IGSF21: variants seen among roughly 807,000 people sequenced by gnomAD.
IGSF21 encodes the protein immunoglobin superfamily member 21.
Under a neutral mutation model 46.8 loss-of-function variants are expected in IGSF21, and 28 were observed. That is an observed-to-expected ratio of 0.60 (90% CI 0.44 to 0.82). IGSF21 has a LOEUF of 0.82. IGSF21 is among the 40% of genes least tolerant of loss of function. IGSF21 has a pLI of 0.00. For missense variants in IGSF21, 624 were observed against 665.5 expected (o/e 0.94, Z 0.69); for synonymous variants, 284 against 273.6 (o/e 1.04, Z -0.38).
At chr1:18,278,997 G>A in intron 2 of IGSF21, 1 of 446,164 alleles carries the variant, frequency 2.2e-6, no homozygotes, top group Non-Finnish European at 4.7e-6. Context: ...AACTAAGCTA[G>A]GGCTTGTCTC....
At chr1:18,264,611 T>C (rs139387892) in intron 2 of IGSF21, among the ~76,000 whole-genome samples, 307 of 152,312 alleles carry the variant, frequency 2.0e-3, no homozygotes, top group African/African-American at 7.1e-3. Flanking sequence ...GGGTTAGAGT[T>C]CTTAAGGCCT....
chr1:18,230,764 G>T (rs1472697644), intron 2 of IGSF21, among the ~76,000 whole-genome samples: 3 of 152,028 alleles, frequency 2.0e-5, no homozygotes, highest in Middle Eastern at 6.3e-3. Flanking sequence ...CCAAGATGGG[G>T]GCTCCAGGAG....
At chr1:18,222,452 G>A (rs2084519629) in intron 1 of IGSF21, among the ~76,000 whole-genome samples, 1 of 152,230 alleles carries the variant, frequency 6.6e-6, no homozygotes, top group African/African-American at 2.4e-5. Flanking sequence ...GGCAAGGGAA[G>A]GGGGTTGGCG....
chr1:18,256,042 T>A (rs1407097292), intron 2 of IGSF21, among the ~76,000 whole-genome samples: 1 of 152,200 alleles, frequency 6.6e-6, no homozygotes, highest in Non-Finnish European at 1.5e-5. Context: ...TTACAGAATC[T>A]GGCCTCTGCC....
At chr1:18,132,972 C>A (rs1384138171) in intron 1 of IGSF21, among the ~76,000 whole-genome samples, 1 of 150,402 alleles carries the variant, frequency 6.6e-6, no homozygotes, top group Non-Finnish European at 1.5e-5. Flanking sequence ...TCTTGCCAGA[C>A]CAGTGAGAAT....
intron 4 of IGSF21, among the ~76,000 whole-genome samples, chr1:18,351,466 G>A (rs943719252): frequency 2.0e-5 from 3 of 152,194 alleles, no homozygotes; most frequent in African/African-American, 7.2e-5. Flanking sequence ...GCCTGTACAC[G>A]GTTTTCCTGG....
chr1:18,288,894 C>CTT (rs2085240662), intron 2 of IGSF21, among the ~76,000 whole-genome samples: 7 of 152,200 alleles, frequency 4.6e-5, no homozygotes, highest in Non-Finnish European at 8.8e-5. Context: ...CTCTGGCTGA[C>CTT]AGTGAGGCCC....
rs12043134 is a variant in IGSF21, at chr1:18,258,616, A to T, written c.183+30606A>T. Among the ~76,000 whole-genome samples the T allele has an allele frequency of 1.2e-3, 187 of 152,316 alleles. 1 individual carries two copies. In the East Asian group the frequency reaches 0.025, roughly 20 times the overall value. On this transcript the variant is annotated intron_variant, in intron 2 of 9. Transcript: ENST00000251296. ...ATGTTTAAGGAGAGAATCCTTCCTT[A>T]GGGTGGAGGCATGATACAGTGAAGA...
At chr1:18,316,481 C>T (rs2085544414) in intron 3 of IGSF21, among the ~76,000 whole-genome samples, 1 of 152,154 alleles carries the variant, frequency 6.6e-6, no homozygotes, top group Non-Finnish European at 1.5e-5. Context: ...ATCCTCTATC[C>T]AACCTTGAAC....
intron 1 of IGSF21, among the ~76,000 whole-genome samples, chr1:18,223,873 C>T (rs2084536023): frequency 6.6e-6 from 1 of 152,228 alleles, no homozygotes; most frequent in South Asian, 2.1e-4. Flanking sequence ...AAACCCCACT[C>T]CCTCAGCTTC....
At chr1:18,110,138 C>T (rs1391994680) in intron 1 of IGSF21, 1 of 152,382 alleles carries the variant, frequency 6.6e-6, no homozygotes, top group Non-Finnish European at 1.5e-5. Flanking sequence ...AGGGTGAGCG[C>T]ATCTGGGCCG....
chr1:18,281,324 C>T (rs1006396606), intron 2 of IGSF21, among the ~76,000 whole-genome samples: 9 of 151,908 alleles, frequency 5.9e-5, no homozygotes, highest in South Asian at 2.1e-4. Context: ...CTTTGGGAGG[C>T]GAGGTGGGTG....
intron 6 of IGSF21, among the ~76,000 whole-genome samples, chr1:18,373,660 T>A (rs1235513913): frequency 1.3e-5 from 2 of 152,010 alleles, no homozygotes; most frequent in Non-Finnish European, 2.9e-5. Flanking sequence ...GTGCCCTGGG[T>A]GGAAGAAGGC....
intron 6 of IGSF21, among the ~76,000 whole-genome samples, chr1:18,372,858 ATGGATGGG>A (rs1469466500): frequency 5.7e-5 from 5 of 88,438 alleles, no homozygotes; most frequent in Non-Finnish European, 1.0e-4. Context: ...GGATGGATGG[ATGGATGGG>A]TGGATGGATG....
At chr1:18,284,639 C>T (rs1488273616) in intron 2 of IGSF21, among the ~76,000 whole-genome samples, 1 of 152,136 alleles carries the variant, frequency 6.6e-6, no homozygotes, top group Non-Finnish European at 1.5e-5. Context: ...CAGTGACTTG[C>T]CTGAGAACCC....
At chr1:18,276,639 T>G (rs963443366) in intron 2 of IGSF21, among the ~76,000 whole-genome samples, 3 of 152,140 alleles carry the variant, frequency 2.0e-5, no homozygotes, top group Non-Finnish European at 4.4e-5. Context: ...CTTCCTCTCA[T>G]TATCATCACC....
intron 2 of IGSF21, among the ~76,000 whole-genome samples, chr1:18,272,456 T>C (rs2085051994): frequency 6.6e-6 from 1 of 152,078 alleles, no homozygotes; most frequent in African/African-American, 2.4e-5. Context: ...CTTCCTAAGG[T>C]AGTTGGGAGG....
At position 18,232,209 on chromosome 1, in the gene IGSF21, C is replaced by CTTTTTTTTTTTTTTTTTT. The variant is rs55775011; in HGVS notation, c.183+4207_183+4208insTTTTTTTTTTTTTTTTTT. Among the ~76,000 whole-genome samples, 5 of 105,008 alleles carry CTTTTTTTTTTTTTTTTTT rather than the reference C, an allele frequency of 4.8e-5. 1 individual carries two copies. The highest frequency in any genetic ancestry group is 1.0e-4 in the African/African-American group (3 of 28,960). The allele number at this position is 105,008 out of a possible 152,430, so 68.9% of individuals were successfully genotyped here. On this transcript the variant is annotated intron_variant, in intron 2 of 9. Coordinates refer to ENST00000251296, the MANE Select transcript of IGSF21 (RefSeq NM_032880.5). ...GCTCATATAGATAAGCTCCAGACAG[C>CTTTTTTTTTTTTTTTTTT]TTTTTTTTGGCTAATAGAGTAGGGG...
chr1:18,307,682 C>A (rs555804131), intron 3 of IGSF21, among the ~76,000 whole-genome samples: 17 of 152,350 alleles, frequency 1.1e-4, no homozygotes, highest in Middle Eastern at 6.8e-3. Flanking sequence ...TGGCCACGTG[C>A]GGGCAGACAG....
Sources: gnomAD v4.1 joint callset for allele counts (sites outside exome capture counted in the v4.1 genomes callset) on GRCh38, gnomAD v4.1.1 for gene constraint, MANE v1.5 for transcripts, NCBI Gene and HGNC (gene_info 2026-07-23, HGNC 2026-07-21) for gene names.